The following SLC39A10 variants were observed in gnomAD, a reference collection of about 807,000 sequenced individuals.
SLC39A10 encodes zinc transporter ZIP10.
In SLC39A10, 13 loss-of-function variants were observed where a neutral mutation model predicts 65.1. That is an observed-to-expected ratio of 0.20 (90% CI 0.13 to 0.32). The LOEUF (loss-of-function observed/expected upper bound fraction) is 0.32. Among genes scored for constraint, SLC39A10 ranks in the 10% least tolerant of loss-of-function variants. SLC39A10 has a pLI of 1.00. For synonymous variants in SLC39A10, 321 were observed against 342.2 expected, an observed-to-expected ratio of 0.94 and a Z score of 0.68; for missense variants, 831 against 1,018.4, an observed-to-expected ratio of 0.82 and a Z score of 2.50.
At chr2:195,695,134 AGTT>A (rs1690898092) in intron 3 of SLC39A10, among the ~76,000 whole-genome samples, 1 of 152,098 alleles carries the variant, frequency 6.6e-6, no homozygotes, top group East Asian at 1.9e-4. Flanking sequence ...TGCTCAAGCC[AGTT>A]GGAGTTTTTC....
chr2:195,706,530 T>C (rs1353148294), intron 3 of SLC39A10, 86 bp from the exon 4 acceptor site: 67 of 1,290,526 alleles, frequency 5.2e-5, no homozygotes, highest in Non-Finnish European at 3.2e-6. Flanking sequence ...CTTCTACGAT[T>C]CATTTATCTT....
At chr2:195,688,492 A>G (rs1428378140) in intron 3 of SLC39A10, among the ~76,000 whole-genome samples, 1 of 152,214 alleles carries the variant, frequency 6.6e-6, no homozygotes, top group Non-Finnish European at 1.5e-5. Context: ...GGAAGATTCC[A>G]AGTTGTTAGA....
At chr2:195,630,133 G>GTA (rs1553492364) in intron 2 of SLC39A10, among the ~76,000 whole-genome samples, 1 of 138,072 alleles carries the variant, frequency 7.2e-6, no homozygotes, top group Non-Finnish European at 1.5e-5. Context: ...GTGTGTGTGT[G>GTA]TATGGTTTGG....
At chr2:195,695,141 G>A (rs1017836941) in intron 3 of SLC39A10, among the ~76,000 whole-genome samples, 13 of 152,180 alleles carry the variant, frequency 8.5e-5, no homozygotes, top group African/African-American at 3.1e-4. Flanking sequence ...GCCAGTTGGA[G>A]TTTTTCTGGG....
rs563182325 is a variant in SLC39A10, at chr2:195,705,595, T to A, written c.1217-1021T>A. On this transcript the variant is annotated intron_variant, in intron 3 of 9. Transcript: ENST00000359634. Reference sequence around the variant, plus strand: ...GAAGAGATGTATTTTTTCAATATTATATCACAGACTTAATATAAAGTCTTT... The same window carrying A: ...GAAGAGATGTATTTTTTCAATATTAAATCACAGACTTAATATAAAGTCTTT... Among the ~76,000 whole-genome samples, 9 of 152,192 alleles carry A rather than the reference T, an allele frequency of 5.9e-5. 1 individual carries two copies. In the South Asian group the frequency reaches 1.9e-3, roughly 32 times the overall value.
intron 1 of SLC39A10, among the ~76,000 whole-genome samples, chr2:195,661,662 A>G (rs1456421346): frequency 6.6e-6 from 1 of 152,212 alleles, no homozygotes; most frequent in Non-Finnish European, 1.5e-5. Flanking sequence ...CTGTTTTCCT[A>G]TCAGAACGTA....
intron 3 of SLC39A10, among the ~76,000 whole-genome samples, chr2:195,686,054 C>G (rs1345055092): frequency 6.6e-6 from 1 of 152,090 alleles, no homozygotes; most frequent in Admixed American, 6.6e-5. Flanking sequence ...GAACACAGTT[C>G]TGGATGAAAT....
At chr2:195,672,962 C>T (rs573690675) in intron 1 of SLC39A10, among the ~76,000 whole-genome samples, 2 of 152,298 alleles carry the variant, frequency 1.3e-5, no homozygotes, top group Admixed American at 6.5e-5. Context: ...TAATCACCCA[C>T]GCCTTTTTAT....
At chr2:195,658,601 C>T (rs1368993073) in intron 1 of SLC39A10, 2 of 152,212 alleles carry the variant, frequency 1.3e-5, no homozygotes, top group Admixed American at 6.5e-5. Flanking sequence ...AATGGAAAAG[C>T]TGGAGATGTA....
rs1318929759 is a variant in SLC39A10, at chr2:195,736,281, AT to A, written c.*1243del. 6.2e-6 allele frequency: 1 copy of A among 160,026 alleles called. No homozygotes were observed. The highest frequency in any genetic ancestry group is 1.5e-5 in the Non-Finnish European group (1 of 68,026). 9.9% of individuals were successfully genotyped at this position (160,026 alleles called of 1,614,324 possible). On this transcript the variant is annotated 3_prime_UTR_variant, in exon 10 of 10. Transcript: ENST00000359634. ...TGTTCTCCTACCATAATTGTGAATG[AT>A]TTGTGAGAAGTGCAAGCCATGTTTA...
chr2:195,615,126 A>G (rs146481941), intron 2 of SLC39A10, among the ~76,000 whole-genome samples: 12 of 152,296 alleles, frequency 7.9e-5, no homozygotes, highest in African/African-American at 2.9e-4. Context: ...GATACTGGGT[A>G]GTGAATGTTT....
chr2:195,723,392 T>A (rs1692120115), intron 8 of SLC39A10, among the ~76,000 whole-genome samples: 1 of 152,176 alleles, frequency 6.6e-6, no homozygotes, highest in African/African-American at 2.4e-5. Context: ...GAAAAGCCTG[T>A]AGTAGGAGGA....
intron 3 of SLC39A10, among the ~76,000 whole-genome samples, chr2:195,685,963 TAATG>T (rs1690509258): frequency 6.6e-6 from 1 of 152,258 alleles, no homozygotes; most frequent in Non-Finnish European, 1.5e-5. Flanking sequence ...TATACTTCGA[TAATG>T]AATGTTCTCA....
intron 1 of SLC39A10, among the ~76,000 whole-genome samples, chr2:195,665,162 C>G (rs1689588485): frequency 6.6e-6 from 1 of 152,120 alleles, no homozygotes; most frequent in South Asian, 2.1e-4. Flanking sequence ...ATTAAAAATA[C>G]AAAAATTAGC....
chr2:195,684,287 A>T (rs1055469554), intron 3 of SLC39A10, among the ~76,000 whole-genome samples: 1 of 152,122 alleles, frequency 6.6e-6, no homozygotes, highest in Non-Finnish European at 1.5e-5. Context: ...AAAAGCAAAG[A>T]TGATTAAAAT....
chr2:195,700,391 G>A (rs1423089802), intron 3 of SLC39A10, among the ~76,000 whole-genome samples: 2 of 152,006 alleles, frequency 1.3e-5, no homozygotes, highest in African/African-American at 4.8e-5. Flanking sequence ...TGTATATTCT[G>A]TGCTGTTTTC....
At chr2:195,658,238 C>T (rs545253045) in intron 1 of SLC39A10, 4 of 152,576 alleles carry the variant, frequency 2.6e-5, no homozygotes, top group Non-Finnish European at 5.9e-5. Flanking sequence ...TCAAGGTCTT[C>T]CTGTGGCTTC....
chr2:195,618,948 C>G (rs569065785), intron 2 of SLC39A10, among the ~76,000 whole-genome samples: 2 of 152,040 alleles, frequency 1.3e-5, no homozygotes, highest in Admixed American at 1.3e-4. Context: ...CCAAAATTAG[C>G]CTGGCATGAT....
chr2:195,719,435 T>G (rs1179212295), intron 8 of SLC39A10, among the ~76,000 whole-genome samples: 1 of 152,268 alleles, frequency 6.6e-6, no homozygotes, highest in East Asian at 1.9e-4. Context: ...TTTAATTTCT[T>G]CCCATCAGAG....
Sources: gnomAD v4.1 joint callset for allele counts (sites outside exome capture counted in the v4.1 genomes callset) on GRCh38, gnomAD v4.1.1 for gene constraint, MANE v1.5 for transcripts, NCBI Gene and HGNC (gene_info 2026-07-23, HGNC 2026-07-21) for gene names.